Variants in FRYL observed in about 807,000 individuals in gnomAD.
FRYL encodes protein furry homolog-like.
FRYL carries 150 observed loss-of-function variants against 351.2 expected under a neutral mutation model. That is an observed-to-expected ratio of 0.43 (90% confidence interval 0.37 to 0.49). FRYL has a LOEUF of 0.49. Among genes scored for constraint, FRYL ranks in the 20% least tolerant of loss-of-function variants. The pLI, the probability that FRYL is intolerant of heterozygous loss-of-function variation, is 0.00. For missense variants in FRYL, 3,036 were observed against 3,619.3 expected (o/e 0.84, Z 4.13); for synonymous variants, 1,153 against 1,257.1 (o/e 0.92, Z 1.75).
chr4:48,720,583 AC>A (rs1769358590), intron 1 of FRYL, among the ~76,000 whole-genome samples: 1 of 152,204 alleles, frequency 6.6e-6, no homozygotes, highest in Admixed American at 6.5e-5. Flanking sequence ...AACCATCACC[AC>A]CATCCACCTC....
intron 59 of FRYL, 51 bp from the exon 60 acceptor site, chr4:48,505,666 T>TAACA: frequency 8.8e-7 from 1 of 1,140,598 alleles, no homozygotes; most frequent in Non-Finnish European, 1.3e-6. Flanking sequence ...ATGGGTAGTG[T>TAACA]AACAGCCTGT....
chr4:48,776,353 G>T (rs1253597765), intron 1 of FRYL, among the ~76,000 whole-genome samples: 1 of 152,010 alleles, frequency 6.6e-6, no homozygotes, highest in Non-Finnish European at 1.5e-5. Context: ...GTGAAACTTT[G>T]ATAAGCAAAA....
intron 3 of FRYL, among the ~76,000 whole-genome samples, chr4:48,680,212 T>C (rs1391795284): frequency 1.3e-5 from 2 of 151,938 alleles, no homozygotes; most frequent in South Asian, 2.1e-4. Context: ...TTCTAATAAA[T>C]AGCATATTAA....
rs1350376490 is a variant in FRYL, at chr4:48,659,393, A to AAGAAGG, written c.-80-24909_-80-24904dup. ...GAGAGAGAAGAAGAAGGAGAAGGAG[A>AAGAAGG]AGAAGGAGAAGGAGAAGGAGAAGGA... On this transcript the variant is annotated intron_variant, in intron 3 of 63. Coordinates refer to ENST00000358350, the MANE Select transcript of FRYL (RefSeq NM_015030.2). 5.3e-4 allele frequency among the ~76,000 whole-genome samples: 9 copies of AAGAAGG among 17,120 alleles called. 3 individuals are homozygous for AAGAAGG. The highest frequency in any genetic ancestry group is 9.4e-4 in the African/African-American group (7 of 7,472). 11.2% of individuals were successfully genotyped at this position (17,120 alleles called of 152,430 possible). A position where few individuals can be genotyped will look rare whatever the true frequency, so the allele number is the denominator to read the frequency against.
At chr4:48,566,558 T>G (rs1002581544) in intron 28 of FRYL, among the ~76,000 whole-genome samples, 1 of 152,216 alleles carries the variant, frequency 6.6e-6, no homozygotes, top group Non-Finnish European at 1.5e-5. Flanking sequence ...ACAGTTGAAA[T>G]TGACATATGT....
chr4:48,570,790 C>A, intron 27 of FRYL, 37 bp downstream of exon 27: 1 of 1,419,258 alleles, frequency 7.0e-7, no homozygotes, highest in Non-Finnish European at 1.0e-6. Flanking sequence ...TCTCTAGGAT[C>A]ATTCCAGAGT....
chr4:48,624,815 G>A (rs1180104374), intron 4 of FRYL, among the ~76,000 whole-genome samples: 1 of 152,216 alleles, frequency 6.6e-6, no homozygotes, highest in East Asian at 1.9e-4. Flanking sequence ...CCCTATGTGG[G>A]TAGGTTTCAT....
chr4:48,732,045 C>T (rs1054245721), intron 1 of FRYL, among the ~76,000 whole-genome samples: 1 of 152,154 alleles, frequency 6.6e-6, no homozygotes, highest in African/African-American at 2.4e-5. Context: ...GGGCTAATAT[C>T]CAGAATCTAC....
At chr4:48,566,183 T>C (rs1158494195) in intron 28 of FRYL, among the ~76,000 whole-genome samples, 3 of 152,174 alleles carry the variant, frequency 2.0e-5, no homozygotes, top group African/African-American at 4.8e-5. Context: ...TCTCAGTATA[T>C]AAAACAGATA....
rs1277638011 is a variant in FRYL, at chr4:48,535,792, A to G, written c.6429T>C (p.Asn2143=). The G allele has an allele frequency of 6.4e-7, 1 of 1,566,348 alleles. No homozygotes were observed. Among genetic ancestry groups the G allele is most frequent in the African/African-American group, 1.4e-5 (1 of 73,686 alleles). The change falls in exon 48 of 64, where the codon AAT becomes AAC. Residue 2143 remains asparagine, a synonymous_variant. Coordinates refer to ENST00000358350, the MANE Select transcript of FRYL (RefSeq NM_015030.2). The part of the protein sequence containing the change: ...CAEEKCPTLV[N]LAHMMSLYST... Reference sequence around the variant, plus strand: ...TGTACAAACTCATCATGTGTGCCAGATTGACAAGTGTTGGGCATTTTTCTT... The same window carrying G: ...TGTACAAACTCATCATGTGTGCCAGGTTGACAAGTGTTGGGCATTTTTCTT...
intron 1 of FRYL, among the ~76,000 whole-genome samples, chr4:48,742,603 T>G (rs941049318): frequency 1.9e-4 from 29 of 152,150 alleles, no homozygotes; most frequent in Non-Finnish European, 3.5e-4. Flanking sequence ...AGGACTGCTA[T>G]TCATTCTTAG....
intron 26 of FRYL, 103 bp from the exon 27 acceptor site, chr4:48,571,021 T>A: frequency 1.2e-6 from 1 of 866,644 alleles, no homozygotes; most frequent in Non-Finnish European, 1.8e-6. Flanking sequence ...TTGAAGTTAT[T>A]TTGCTTGTAC....
At chr4:48,597,405 G>A (rs1744809838) in intron 13 of FRYL, among the ~76,000 whole-genome samples, 1 of 152,098 alleles carries the variant, frequency 6.6e-6, no homozygotes. Flanking sequence ...TAAGCTGTGG[G>A]CTTTGTGTGA....
At chr4:48,653,244 T>A (rs1560792367) in intron 3 of FRYL, among the ~76,000 whole-genome samples, 1 of 152,180 alleles carries the variant, frequency 6.6e-6, no homozygotes, top group African/African-American at 2.4e-5. Context: ...ACATTATAAC[T>A]TCAATTAGAA....
chr4:48,682,680 A>C (rs1437816292), intron 3 of FRYL, among the ~76,000 whole-genome samples: 1 of 152,184 alleles, frequency 6.6e-6, no homozygotes, highest in Non-Finnish European at 1.5e-5. Context: ...CCTCATCATC[A>C]CTGGTCATTA....
chr4:48,620,668 A>G lies in FRYL; in HGVS notation c.285T>C (p.Tyr95=). The change falls in exon 6 of 64, where the codon TAT becomes TAC. Residue 95 remains tyrosine, a synonymous_variant. Transcript: ENST00000358350. ...TAGACTTTGTGCTAGACCGAGGCCT[A>G]TATTCATAAGATTCATCTTCCGTTC... ...QNGTEDESYE[Y]RPRSSTKSKG... is the part of the protein sequence containing the mutation. 1 of 1,613,890 alleles carries G rather than the reference A, an allele frequency of 6.2e-7. No individual in the cohort carries two copies. The highest frequency in any genetic ancestry group is 1.3e-5 in the African/African-American group (1 of 75,034).
intron 1 of FRYL, among the ~76,000 whole-genome samples, chr4:48,733,877 C>T (rs1432764234): frequency 6.6e-6 from 1 of 151,772 alleles, no homozygotes; most frequent in Non-Finnish European, 1.5e-5. Flanking sequence ...CTCTCAGCAA[C>T]CACTTAAAAA....
At chr4:48,643,977 C>CT (rs1291296441) in intron 3 of FRYL, among the ~76,000 whole-genome samples, 7 of 151,962 alleles carry the variant, frequency 4.6e-5, no homozygotes, top group Non-Finnish European at 1.0e-4. Flanking sequence ...GAGTTGCGCT[C>CT]TTATTGTCCA....
At chr4:48,779,183 G>T (rs1776356713) in intron 1 of FRYL, among the ~76,000 whole-genome samples, 1 of 152,188 alleles carries the variant, frequency 6.6e-6, no homozygotes, top group Non-Finnish European at 1.5e-5. Context: ...AGGAAACCAG[G>T]CTGTGCCCAA....
Sources: gnomAD v4.1 joint callset for allele counts (sites outside exome capture counted in the v4.1 genomes callset) on GRCh38, gnomAD v4.1.1 for gene constraint, MANE v1.5 for transcripts, NCBI Gene and HGNC (gene_info 2026-07-23, HGNC 2026-07-21) for gene names.